The following ZNF138 variants were observed in gnomAD, a reference collection of about 807,000 sequenced individuals.
ZNF138 encodes zinc finger protein 138 (clone pHZ-32).
A neutral mutation model predicts 33.0 loss-of-function variants in ZNF138; 33 were observed. The observed-to-expected ratio is 1.00, with a 90% CI of 0.76 to 1.34. ZNF138 has a LOEUF of 1.34. Ranked by LOEUF, ZNF138 falls within the 40% of genes most tolerant of loss-of-function variation. ZNF138 has a pLI of 0.00. For synonymous variants in ZNF138, 139 were observed against 120.4 expected (o/e 1.15, Z -1.01); for missense variants, 360 against 370.8 (o/e 0.97, Z 0.24).
chr7:64,796,613 A>G (rs924328030), intron 1 of ZNF138, among the ~76,000 whole-genome samples: 5 of 152,212 alleles, frequency 3.3e-5, no homozygotes, highest in African/African-American at 1.2e-4. Flanking sequence ...TCTTTCCCAG[A>G]CTGAGTTTAG....
chr7:64,815,759 T>C, intron 3 of ZNF138, 106 bp downstream of exon 3: 1 of 1,097,862 alleles, frequency 9.1e-7, no homozygotes, highest in Non-Finnish European at 1.3e-6. Context: ...AAGGAAATAG[T>C]TTCTGGAAAG....
chr7:64,819,092 G>A (rs1166316708), intron 3 of ZNF138, among the ~76,000 whole-genome samples: 1 of 152,042 alleles, frequency 6.6e-6, no homozygotes, highest in African/African-American at 2.4e-5. Flanking sequence ...GCAATTGTTT[G>A]TACACTTTAA....
intron 3 of ZNF138, among the ~76,000 whole-genome samples, chr7:64,823,879 A>G (rs1789366179): frequency 6.6e-6 from 1 of 152,200 alleles, no homozygotes; most frequent in Non-Finnish European, 1.5e-5. Context: ...CAGAGGTTGC[A>G]GTGAGCTGAG....
the ZNF138 span, among the ~76,000 whole-genome samples, chr7:64,853,932 G>A: frequency 3.3e-5 from 5 of 151,884 alleles, no homozygotes; most frequent in African/African-American, 9.7e-5. Context: ...GAACCCAGGA[G>A]GTGGAGGTTG....
the ZNF138 span, among the ~76,000 whole-genome samples, chr7:64,840,707 G>GTTAAACATTTAAATTTAAATGAGTTAAA: frequency 7.5e-6 from 1 of 132,550 alleles, no homozygotes; most frequent in Non-Finnish European, 1.6e-5. Context: ...AAAATTCTGA[G>GTTAAACATTTAAATTTAAATGAGTTAAA]TTCTGCTTAA....
At chr7:64,803,562 T>C (rs1206557837) in intron 1 of ZNF138, among the ~76,000 whole-genome samples, 2 of 152,212 alleles carry the variant, frequency 1.3e-5, no homozygotes, top group Non-Finnish European at 2.9e-5. Context: ...TTCAGAACAA[T>C]TAGCATAGTT....
chr7:64,829,320 C>T (rs77994945), intron 3 of ZNF138, among the ~76,000 whole-genome samples: 1 of 151,572 alleles, frequency 6.6e-6, no homozygotes, highest in South Asian at 2.1e-4. Flanking sequence ...TTATATTGCT[C>T]TCTATGTGTT....
chr7:64,831,895 C>G lies in ZNF138; in HGVS notation c.653C>G (p.Thr218Ser). 1 of 1,613,806 alleles carries G rather than the reference C, an allele frequency of 6.2e-7. No individual in the cohort carries two copies. The highest frequency in any genetic ancestry group is 8.5e-7 in the Non-Finnish European group (1 of 1,179,870). ...TNLSKPKKIH[T>S]GEKPYKCEVC... The stretch of plus-strand genomic sequence containing the variant: ...CTTTCTAAACCTAAGAAAATTCATA[C>G]TGGAGAAAAACCCTACAAATGTGAA... The change falls in exon 4 of 4, where the codon ACT becomes AGT. Residue 218 changes from threonine to serine, a missense_variant. By Grantham distance (58) the Thr-to-Ser change is moderately conservative. Transcript: ENST00000307355.
chr7:64,798,824 C>CT (rs899644691), intron 1 of ZNF138, among the ~76,000 whole-genome samples: 4 of 148,060 alleles, frequency 2.7e-5, no homozygotes, highest in Non-Finnish European at 5.9e-5. Context: ...ATCTTGTCAG[C>CT]TTTTTTGATG....
At chr7:64,794,656 C>T in intron 1 of ZNF138, 85 bp downstream of exon 1, 2 of 1,593,590 alleles carry the variant, frequency 1.3e-6, no homozygotes, top group Admixed American at 1.7e-5. Flanking sequence ...GTACTCGGGT[C>T]TTCCCGCAGT....
chr7:64,823,107 C>T (rs7787588), intron 3 of ZNF138, among the ~76,000 whole-genome samples: 149,958 of 152,150 alleles, frequency 0.99, 73,936 homozygotes, highest in East Asian at 1. Flanking sequence ...CTTGAACTCC[C>T]GACCTCAGGT....
chr7:64,836,764 G>A (rs1231334237), downstream of ZNF138: 1 of 152,214 alleles, frequency 6.6e-6, no homozygotes, highest in Non-Finnish European at 1.5e-5. Context: ...GAAGCAAAGT[G>A]CAGGGTTTTT....
chr7:64,860,101 C>G, the ZNF138 span, among the ~76,000 whole-genome samples: 2 of 152,196 alleles, frequency 1.3e-5, no homozygotes, highest in Admixed American at 1.3e-4. Context: ...CATTCCACTG[C>G]ACTTCAGCCT....
intron 1 of ZNF138, among the ~76,000 whole-genome samples, chr7:64,812,779 G>A (rs1788279535): frequency 6.6e-6 from 1 of 151,874 alleles, no homozygotes; most frequent in Non-Finnish European, 1.5e-5. Flanking sequence ...GAAGATGCAG[G>A]TGTAATTTGT....
intron 3 of ZNF138, among the ~76,000 whole-genome samples, chr7:64,821,786 C>T (rs1157215248): frequency 1.3e-5 from 2 of 151,494 alleles, no homozygotes; most frequent in Non-Finnish European, 2.9e-5. Flanking sequence ...ACCTCGTGAT[C>T]CTCCTGCCTT....
In ZNF138 at chr7:64,794,462, C is replaced by A. The variant is rs1786522359; in HGVS notation, c.-107C>A. On this transcript the variant is annotated 5_prime_UTR_variant, in exon 1 of 4. Transcript: ENST00000307355. ...CAGCGGGTGCTGCAGGTCTGGCCTT[C>A]ACTTTTCTGCGTCCTCTTACTCCTA... 1 of 1,552,124 alleles carries A rather than the reference C, an allele frequency of 6.4e-7. No homozygotes were observed. Among genetic ancestry groups the A allele is most frequent in the African/African-American group, 1.4e-5 (1 of 73,342 alleles).
rs1282756563 is a variant in ZNF138, at chr7:64,832,300, A to G, written c.*98A>G. On this transcript the variant is annotated 3_prime_UTR_variant, in exon 4 of 4. Coordinates refer to ENST00000307355, the MANE Select transcript of ZNF138 (RefSeq NM_001271639.2). Reference sequence around the variant, plus strand: ...AACCAGTTTTCAACCCTTATTACACATAAGATAATTCATAGCGGAGAGAAA... The same window carrying G: ...AACCAGTTTTCAACCCTTATTACACGTAAGATAATTCATAGCGGAGAGAAA... 19 of 1,585,350 alleles carry G rather than the reference A, an allele frequency of 1.2e-5. No individual in the cohort carries two copies. Among genetic ancestry groups the G allele is most frequent in the Non-Finnish European group, 1.6e-5 (19 of 1,167,854 alleles).
At chr7:64,843,831 A>ATTT in the ZNF138 span, among the ~76,000 whole-genome samples, 49,428 of 150,260 alleles carry the variant, frequency 0.33, 8,739 homozygotes, top group Non-Finnish European at 0.39. Flanking sequence ...TATTTTTTTT[A>ATTT]TTTTTTTGTT....
At chr7:64,803,040 A>G (rs1380866539) in intron 1 of ZNF138, among the ~76,000 whole-genome samples, 1 of 152,240 alleles carries the variant, frequency 6.6e-6, no homozygotes, top group African/African-American at 2.4e-5. Flanking sequence ...AATATAAATT[A>G]GAAATAAGAG....
Sources: gnomAD v4.1 joint callset for allele counts (sites outside exome capture counted in the v4.1 genomes callset) on GRCh38, gnomAD v4.1.1 for gene constraint, MANE v1.5 for transcripts, NCBI Gene and HGNC (gene_info 2026-07-23, HGNC 2026-07-21) for gene names.